The following NCKAP5 variants were observed in gnomAD, a reference collection of about 807,000 sequenced individuals.
NCKAP5 encodes NCK associated protein 5, also known as nck-associated protein 5.
NCKAP5 carries 92 observed loss-of-function variants against 167.0 expected under a neutral mutation model. The observed-to-expected ratio is 0.55, with a 90% CI of 0.47 to 0.66. The LOEUF is 0.66. Among genes scored for constraint, NCKAP5 ranks in the 30% least tolerant of loss-of-function variants. NCKAP5 has a pLI of 0.00. For missense variants in NCKAP5, 2,378 were observed against 2,315.0 expected (o/e 1.03, Z -0.56); for synonymous variants, 891 against 877.4 (o/e 1.02, Z -0.27).
chr2:133,116,284 G>A (rs1210355812), intron 6 of NCKAP5, among the ~76,000 whole-genome samples: 4 of 86,722 alleles, frequency 4.6e-5, no homozygotes, highest in African/African-American at 2.5e-4. Context: ...TCAGGAGATC[G>A]AGACCATCCT....
chr2:133,497,932 G>T (rs555145566), intron 3 of NCKAP5, among the ~76,000 whole-genome samples: 1 of 152,056 alleles, frequency 6.6e-6, no homozygotes, highest in Admixed American at 6.5e-5. Flanking sequence ...AACACAACCC[G>T]CAATGGTGAA....
intron 7 of NCKAP5, among the ~76,000 whole-genome samples, chr2:132,972,855 C>T (rs886436095): frequency 6.7e-6 from 1 of 149,228 alleles, no homozygotes; most frequent in African/African-American, 2.5e-5. Flanking sequence ...CAGTGAGACT[C>T]CATCTCCAAA....
intron 16 of NCKAP5, among the ~76,000 whole-genome samples, chr2:132,741,852 T>C (rs7606240): frequency 0.023 from 3,463 of 152,178 alleles, 120 homozygotes; most frequent in African/African-American, 0.076. Flanking sequence ...CTCAACCTTT[T>C]TCCCCCAATC....
the NCKAP5 span, among the ~76,000 whole-genome samples, chr2:133,582,333 G>A: frequency 1.2e-4 from 19 of 152,168 alleles, no homozygotes; most frequent in African/African-American, 4.1e-4. Context: ...GATGCTAAAG[G>A]CTGAAAACTG....
chr2:133,442,962 C>G (rs1442755332), intron 3 of NCKAP5, among the ~76,000 whole-genome samples: 3 of 152,216 alleles, frequency 2.0e-5, no homozygotes, highest in African/African-American at 7.2e-5. Context: ...GTAAGATAAA[C>G]AGCATTTAAG....
At chr2:133,354,596 C>T (rs189322694) in intron 3 of NCKAP5, among the ~76,000 whole-genome samples, 1 of 152,330 alleles carries the variant, frequency 6.6e-6, no homozygotes, top group Admixed American at 6.5e-5. Flanking sequence ...TGTCTAACAT[C>T]ACCCAACTTA....
chr2:132,973,521 T>G (rs889576075), intron 7 of NCKAP5, among the ~76,000 whole-genome samples: 55 of 152,202 alleles, frequency 3.6e-4, no homozygotes, highest in African/African-American at 1.2e-3. Flanking sequence ...CAAAGGTCTC[T>G]TCTCACTTTA....
chr2:133,311,995 T>A (rs1681266977), intron 3 of NCKAP5, among the ~76,000 whole-genome samples: 2 of 152,280 alleles, frequency 1.3e-5, no homozygotes, highest in Admixed American at 6.5e-5. Flanking sequence ...CTGAGAAAAA[T>A]TTAGGTACAT....
chr2:132,736,599 T>G (rs1280531552), intron 16 of NCKAP5, among the ~76,000 whole-genome samples: 5 of 149,938 alleles, frequency 3.3e-5, no homozygotes, highest in Non-Finnish European at 5.9e-5. Context: ...GCCCACATGG[T>G]GAAACCCCAT....
chr2:133,628,796 C>T, the NCKAP5 span, among the ~76,000 whole-genome samples: 2 of 152,008 alleles, frequency 1.3e-5, no homozygotes, highest in Non-Finnish European at 2.9e-5. Flanking sequence ...GACGCATAGA[C>T]CAATGGAACA....
chr2:133,233,597 C>T (rs1018341890), intron 4 of NCKAP5, among the ~76,000 whole-genome samples: 2 of 151,896 alleles, frequency 1.3e-5, no homozygotes, highest in Non-Finnish European at 2.9e-5. Flanking sequence ...ATTTAAATAC[C>T]AATTTTATAT....
chr2:132,805,429 A>G (rs1685352880), intron 11 of NCKAP5, among the ~76,000 whole-genome samples: 1 of 152,230 alleles, frequency 6.6e-6, no homozygotes, highest in Non-Finnish European at 1.5e-5. Flanking sequence ...TGAACTGCAT[A>G]GAATTAAAAA....
In NCKAP5 at chr2:132,784,293, C is replaced by T. The variant is rs1446155297; in HGVS notation, c.2518G>A (p.Ala840Thr). Residue 840 changes from alanine to threonine, a missense_variant, in exon 14 of 20, where the codon GCT becomes ACT. Ala to Thr is a moderately conservative substitution (Grantham distance 58). Transcript: ENST00000409261. ...ATGAATCGTGAGAGTTTCCCAGGAG[C>T]TAAGGCTGGTGATTTTTCAAGAGTC... ...LVTLEKSPAL[A>T]PGKLSRFMKT... 1 of 1,613,778 alleles carries T rather than the reference C, an allele frequency of 6.2e-7. No individual in the cohort carries two copies. The highest frequency in any genetic ancestry group is 1.7e-5 in the Admixed American group (1 of 59,990).
Position 132,782,546 on chromosome 2 carries a change from G to C in NCKAP5, c.4265C>G (p.Pro1422Arg). 6.3e-7 allele frequency: 1 copy of C among 1,591,218 alleles called. No homozygotes were observed. The highest frequency in any genetic ancestry group is 8.6e-7 in the Non-Finnish European group (1 of 1,169,118). ...CCTCCCTGGGCTCTGCAGGGCTTCA[G>C]GGCAGTCTGTTGGGGTGGGTGGGCA... ...RSCPPTPTDC[P>R]EALQSPGRTQ... The change falls in exon 14 of 20, where the codon CCT (proline) becomes CGT (arginine). Residue 1422 changes from proline to arginine, a missense_variant. Around this residue, in one of 3 missense-constraint regions of NCKAP5, gnomAD observed 1,325 missense variants for 1,274.5 expected, o/e 1.04. Transcript: ENST00000409261.
the NCKAP5 span, among the ~76,000 whole-genome samples, chr2:133,647,615 A>G: frequency 2.1e-5 from 3 of 144,766 alleles, no homozygotes; most frequent in East Asian, 6.2e-4. Context: ...GAGAGGAGAG[A>G]CAGAAAGATA....
intron 6 of NCKAP5, among the ~76,000 whole-genome samples, chr2:133,076,482 A>T (rs1212514358): frequency 6.6e-6 from 1 of 152,222 alleles, no homozygotes; most frequent in Non-Finnish European, 1.5e-5. Context: ...TGAAAAAAAA[A>T]TGTTGATTTT....
At chr2:133,548,527 C>A (rs1334730260) in intron 2 of NCKAP5, among the ~76,000 whole-genome samples, 2 of 151,840 alleles carry the variant, frequency 1.3e-5, no homozygotes, top group African/African-American at 2.4e-5. Context: ...AACAGCGGAT[C>A]TCTCGGCAGA....
In NCKAP5 at chr2:132,765,174, T is replaced by C. The variant is rs147395406; in HGVS notation, c.5128+8642A>G. On this transcript the variant is annotated intron_variant, in intron 16 of 19. Transcript: ENST00000409261. The stretch of plus-strand genomic sequence containing the variant: ...AGTTCAACATATTTTCTCAAAAAGT[T>C]ACTCAAGGTTAACTGCACATAGAGC... Among the ~76,000 whole-genome samples the C allele has an allele frequency of 3.5e-4, 54 of 152,354 alleles. No homozygotes were observed. The East Asian group carries it at 8.7e-3, about 24-fold the overall frequency.
At chr2:132,743,021 T>G (rs1460064678) in intron 16 of NCKAP5, among the ~76,000 whole-genome samples, 2 of 151,812 alleles carry the variant, frequency 1.3e-5, no homozygotes, top group African/African-American at 4.8e-5. Context: ...TATATATAGA[T>G]TTTTGCTTCC....
Sources: allele counts gnomAD v4.1 joint callset (sites outside exome capture counted in the v4.1 genomes callset), GRCh38; gene constraint gnomAD v4.1.1; regional missense constraint gnomAD v4.1.1; transcripts MANE v1.5; gene names NCBI Gene and HGNC (gene_info 2026-07-23, HGNC 2026-07-21).